The following ALPK1 variants were observed in gnomAD, a reference collection of about 807,000 sequenced individuals.
ALPK1 encodes alpha kinase 1, also known as alpha-protein kinase 1.
ALPK1 carries 110 observed loss-of-function variants against 120.6 expected under a neutral mutation model. That is an observed-to-expected ratio of 0.91 (90% CI 0.78 to 1.07). ALPK1 has a LOEUF of 1.07. Among genes scored for constraint, ALPK1 ranks in the 50% least tolerant of loss-of-function variants. The pLI is 0.00. For missense variants in ALPK1, 1,498 were observed against 1,483.9 expected, an observed-to-expected ratio of 1.01 and a Z score of -0.16; for synonymous variants, 582 against 560.3, an observed-to-expected ratio of 1.04 and a Z score of -0.55.
chr4:112,399,801 A>G (rs957595896), intron 4 of ALPK1, among the ~76,000 whole-genome samples: 15 of 151,876 alleles, frequency 9.9e-5, no homozygotes, highest in Non-Finnish European at 2.2e-4. Flanking sequence ...CCCTGCGTCT[A>G]TGTGTTCTCA....
chr4:112,434,919 G>A (rs1329682403), intron 11 of ALPK1, among the ~76,000 whole-genome samples: 1 of 152,152 alleles, frequency 6.6e-6, no homozygotes, highest in South Asian at 2.1e-4. Flanking sequence ...GGGATTTTGT[G>A]ACTCAAAGGC....
In ALPK1 at chr4:112,382,513, C is replaced by A; in HGVS notation, c.237C>A (p.Asn79Lys). 1.2e-6 allele frequency: 2 copies of A among 1,614,058 alleles called. No homozygotes were observed. Among genetic ancestry groups the A allele is most frequent in the Non-Finnish European group, 1.7e-6 (2 of 1,180,010 alleles). ...KQAVGPEDKTNLKDVIGAGLQ... is the reference protein window; with the variant it reads ...KQAVGPEDKTKLKDVIGAGLQ... Reference sequence around the variant, plus strand: ...CCGTGGGCCCAGAGGACAAAACAAACCTGAAGGATGTGATTGGCGCCGGGT... The same window carrying A: ...CCGTGGGCCCAGAGGACAAAACAAAACTGAAGGATGTGATTGGCGCCGGGT... Residue 79 changes from asparagine to lysine, a missense_variant, in exon 4 of 16, where the codon AAC (asparagine) becomes AAA (lysine). By Grantham distance (94) the Asn-to-Lys change is moderately conservative (BLOSUM62 0). Transcript: ENST00000650871.
At chr4:112,430,365 G>A in intron 10 of ALPK1, 83 bp from the exon 11 acceptor site, 6 of 1,256,408 alleles carry the variant, frequency 4.8e-6, no homozygotes, top group Non-Finnish European at 6.6e-6. Flanking sequence ...TCAAATGACT[G>A]TCCTCCAGAA....
chr4:112,353,713 C>A (rs887888183), intron 2 of ALPK1, among the ~76,000 whole-genome samples: 2 of 152,064 alleles, frequency 1.3e-5, no homozygotes, highest in African/African-American at 4.8e-5. Flanking sequence ...ACTAAAAACA[C>A]AAAAACTTAG....
At chr4:112,348,963 C>G (rs1730211419) in intron 2 of ALPK1, among the ~76,000 whole-genome samples, 1 of 152,256 alleles carries the variant, frequency 6.6e-6, no homozygotes, top group Non-Finnish European at 1.5e-5. Context: ...TCAGCCACTT[C>G]AGGGCGCACT....
chr4:112,412,016 G>T lies in ALPK1; in HGVS notation c.466G>T (p.Val156Leu), dbSNP rs1308940295. 1.2e-6 allele frequency: 2 copies of T among 1,613,824 alleles called. No individual in the cohort carries two copies. The highest frequency in any genetic ancestry group is 2.7e-5 in the African/African-American group (2 of 74,934). ...GGTTATTCGCCAAGCCCGAATCTCCGTGAACTCAGGTATGCTCCCTCCTGC... is the reference window on the plus strand; with the variant it reads ...GGTTATTCGCCAAGCCCGAATCTCCTTGAACTCAGGTATGCTCCCTCCTGC... ...QVVIRQARIS[V>L]NSGKLLKAEY... is the part of the protein sequence containing the mutation. The change falls in exon 5 of 16, where the codon GTG becomes TTG. Residue 156 changes from valine to leucine, a missense_variant. Physicochemically the swap from Val to Leu is conservative, Grantham distance 32. Transcript: ENST00000650871.
chr4:112,353,833 C>T (rs1289503054), intron 2 of ALPK1, among the ~76,000 whole-genome samples: 1 of 152,060 alleles, frequency 6.6e-6, no homozygotes, highest in Non-Finnish European at 1.5e-5. Context: ...TGCACCACTG[C>T]ACTCCAACCT....
At chr4:112,334,200 A>G (rs1729512996) in intron 2 of ALPK1, among the ~76,000 whole-genome samples, 1 of 152,108 alleles carries the variant, frequency 6.6e-6, no homozygotes, top group Non-Finnish European at 1.5e-5. Flanking sequence ...TGGGAAGCCA[A>G]GGCAGGCAGA....
intron 4 of ALPK1, among the ~76,000 whole-genome samples, chr4:112,391,935 AT>A (rs1560667341): frequency 3.3e-5 from 5 of 151,466 alleles, no homozygotes; most frequent in African/African-American, 1.2e-4. Context: ...CTGTGCCTCT[AT>A]AGAACAGAAG....
intron 4 of ALPK1, among the ~76,000 whole-genome samples, chr4:112,392,363 G>A (rs1732457060): frequency 6.6e-6 from 1 of 152,000 alleles, no homozygotes; most frequent in South Asian, 2.1e-4. Context: ...TATCTCATTT[G>A]TTACCAAATT....
intron 5 of ALPK1, among the ~76,000 whole-genome samples, chr4:112,415,804 G>A (rs931396975): frequency 2.0e-5 from 3 of 152,122 alleles, no homozygotes; most frequent in Non-Finnish European, 2.9e-5. Context: ...ACACCCTCCC[G>A]GTTGGTGAGA....
chr4:112,412,126 C>T, intron 5 of ALPK1, 101 bp downstream of exon 5: 1 of 1,423,614 alleles, frequency 7.0e-7, no homozygotes, highest in Admixed American at 1.8e-5. Flanking sequence ...AGCACCCGGG[C>T]CCTGCGTGCC....
chr4:112,366,094 C>T lies in ALPK1; in HGVS notation c.-100-11584C>T, dbSNP rs181716683. Among the ~76,000 whole-genome samples the T allele has an allele frequency of 6.4e-4, 98 of 152,026 alleles. 2 individuals are homozygous for T. Among genetic ancestry groups the T allele is most frequent in the Admixed American group, 6.4e-3 (97 of 15,258 alleles). ...AAGACTTAAATCTAAGACCTAAAAC[C>T]ATAAAAATTATAGAAGATAACATTG... On this transcript the variant is annotated intron_variant, in intron 2 of 15. Transcript: ENST00000650871.
intron 4 of ALPK1, among the ~76,000 whole-genome samples, chr4:112,408,749 C>T (rs1398277355): frequency 1.3e-5 from 2 of 152,164 alleles, no homozygotes; most frequent in Non-Finnish European, 2.9e-5. Context: ...GCTGGGATTA[C>T]AGGCTTCAGC....
At chr4:112,389,466 T>C (rs567509987) in intron 4 of ALPK1, among the ~76,000 whole-genome samples, 5 of 152,318 alleles carry the variant, frequency 3.3e-5, no homozygotes, top group African/African-American at 4.8e-5. Context: ...GATCTGAAAA[T>C]GAAAGTTTGT....
chr4:112,403,626 G>C (rs1733027323), intron 4 of ALPK1, among the ~76,000 whole-genome samples: 1 of 152,166 alleles, frequency 6.6e-6, no homozygotes, highest in African/African-American at 2.4e-5. Context: ...CTCCTGAAGA[G>C]ACACAAACAG....
Position 112,377,987 on chromosome 4 carries a change from A to G in ALPK1, c.121+89A>G, listed in dbSNP as rs113659861. 4.6e-4 allele frequency: 623 copies of G among 1,362,894 alleles called. 4 individuals carry two copies. The African/African-American group carries it at 8.0e-3, about 18-fold the overall frequency. 84.4% of individuals were successfully genotyped at this position (1,362,894 alleles called of 1,614,324 possible). Reference sequence around the variant, plus strand: ...AACGACACGTTCTTATCTCTGCCCTATTTTTCTTCTCTTGGCAGATGACCA... The same window carrying G: ...AACGACACGTTCTTATCTCTGCCCTGTTTTTCTTCTCTTGGCAGATGACCA... On this transcript the variant is annotated intron_variant, in intron 3 of 15. Coordinates refer to ENST00000650871, the MANE Select transcript of ALPK1 (RefSeq NM_025144.4).
chr4:112,343,198 G>A (rs1205607815), intron 2 of ALPK1: 1 of 152,088 alleles, frequency 6.6e-6, no homozygotes, highest in Non-Finnish European at 1.5e-5. Flanking sequence ...TGGGGTTCAC[G>A]GTTCATCGTA....
intron 5 of ALPK1, among the ~76,000 whole-genome samples, chr4:112,421,153 A>T (rs1200696625): frequency 1.3e-5 from 2 of 152,082 alleles, no homozygotes; most frequent in African/African-American, 4.8e-5. Context: ...TTTTATGAAA[A>T]CATCTCAGCG....
Sources: gnomAD v4.1 joint callset for allele counts (sites outside exome capture counted in the v4.1 genomes callset) on GRCh38, gnomAD v4.1.1 for gene constraint, MANE v1.5 for transcripts, NCBI Gene and HGNC (gene_info 2026-07-23, HGNC 2026-07-21) for gene names.